The following RLN2 variants were observed in gnomAD, a reference collection of about 807,000 sequenced individuals.
The protein encoded by RLN2 is relaxin 2.
A neutral mutation model predicts 7.3 loss-of-function variants in RLN2; 10 were observed. The observed-to-expected ratio is 1.36, with a 90% CI of 0.84 to 2.31. RLN2 has a LOEUF of 2.31. Ranked by LOEUF, RLN2 falls within the 30% of genes most tolerant of loss-of-function variation. The pLI is 0.00. For synonymous variants in RLN2, 103 were observed against 82.3 expected, an observed-to-expected ratio of 1.25 and a Z score of -1.36; for missense variants, 298 against 217.6, an observed-to-expected ratio of 1.37 and a Z score of -2.32.
chr9:5,330,202 T>C, the RLN2 span, among the ~76,000 whole-genome samples: 1 of 151,980 alleles, frequency 6.6e-6, no homozygotes, highest in Non-Finnish European at 1.5e-5. Flanking sequence ...AAGAAGTTCT[T>C]TGAAACCAAT....
the RLN2 span, chr9:5,335,660 A>C: frequency 9.8e-7 from 1 of 1,019,454 alleles, no homozygotes; most frequent in Non-Finnish European, 1.4e-6. Flanking sequence ...ATTCAGAAAA[A>C]CTGTGAATGT....
At position 5,300,073 on chromosome 9, in the gene RLN2, C is replaced by A; in HGVS notation, c.*25G>T. 1 of 1,371,586 alleles carries A rather than the reference C, an allele frequency of 7.3e-7. No homozygotes were observed. The highest frequency in any genetic ancestry group is 1.3e-5 in the South Asian group (1 of 77,456). 85.0% of individuals were successfully genotyped at this position (1,371,586 alleles called of 1,614,324 possible). On this transcript the variant is annotated 3_prime_UTR_variant, in exon 2 of 2. Transcript: ENST00000381627. Reference sequence around the variant, plus strand: ...ATTAAGAATATGTGTGAATATTATACGAGATGTGCACAATTAGCTTCATCT... The same window carrying A: ...ATTAAGAATATGTGTGAATATTATAAGAGATGTGCACAATTAGCTTCATCT...
the RLN2 span, among the ~76,000 whole-genome samples, chr9:5,320,784 TG>T: frequency 1.3e-5 from 2 of 152,258 alleles, no homozygotes; most frequent in African/African-American, 4.8e-5. Flanking sequence ...AAAGACTTTT[TG>T]AAGAAGCACA....
chr9:5,337,945 C>T, the RLN2 span, among the ~76,000 whole-genome samples: 2 of 151,948 alleles, frequency 1.3e-5, no homozygotes, highest in Non-Finnish European at 2.9e-5. Context: ...AAATACTACA[C>T]AGGAATTTCA....
At chr9:5,309,255 C>T (rs528843340), upstream of RLN2, among the ~76,000 whole-genome samples, 164 of 152,018 alleles carry the variant, frequency 1.1e-3, no homozygotes, top group Non-Finnish European at 2.1e-3. Flanking sequence ...TCTTTGCTAC[C>T]TCTTCCCACA....
At chr9:5,314,223 A>G in the RLN2 span, among the ~76,000 whole-genome samples, 1 of 152,104 alleles carries the variant, frequency 6.6e-6, no homozygotes, top group South Asian at 2.1e-4. Context: ...AGGTAGCCAC[A>G]GTACACTTCC....
the RLN2 span, among the ~76,000 whole-genome samples, chr9:5,328,455 G>T: frequency 1.3e-5 from 2 of 152,052 alleles, no homozygotes; most frequent in Non-Finnish European, 2.9e-5. Context: ...TGGAAGTGAC[G>T]GGGAGAATGG....
chr9:5,338,187 A>G, the RLN2 span, among the ~76,000 whole-genome samples: 3 of 104,242 alleles, frequency 2.9e-5, no homozygotes, highest in East Asian at 7.6e-4. Context: ...CTTTAATATG[A>G]GCATTACTAC....
At chr9:5,302,665 T>C (rs1363020665) in intron 1 of RLN2, among the ~76,000 whole-genome samples, 4 of 152,220 alleles carry the variant, frequency 2.6e-5, no homozygotes, top group Non-Finnish European at 5.9e-5. Flanking sequence ...TGTAGCCATA[T>C]CTATATACAA....
the RLN2 span, among the ~76,000 whole-genome samples, chr9:5,321,934 G>C: frequency 2.0e-5 from 3 of 152,014 alleles, no homozygotes; most frequent in Admixed American, 2.0e-4. Flanking sequence ...CCCTGAGAAC[G>C]ATGGTCACTT....
intron 1 of RLN2, among the ~76,000 whole-genome samples, chr9:5,300,901 T>C (rs1302333297): frequency 2.6e-5 from 4 of 152,212 alleles, no homozygotes; most frequent in South Asian, 2.1e-4. Context: ...CTTTAAGCTA[T>C]TGAATATTTC....
upstream of RLN2, among the ~76,000 whole-genome samples, chr9:5,306,112 T>TG (rs1816246198): frequency 2.7e-5 from 4 of 148,976 alleles, no homozygotes; most frequent in Admixed American, 6.7e-5. Flanking sequence ...GTTTTTTGTT[T>TG]TTTTTTTTTT....
At chr9:5,334,350 T>G in the RLN2 span, among the ~76,000 whole-genome samples, 1 of 151,938 alleles carries the variant, frequency 6.6e-6, no homozygotes. Context: ...TTACAGACAT[T>G]TGATGGAGGA....
chr9:5,327,154 T>C, the RLN2 span, among the ~76,000 whole-genome samples: 51,381 of 151,786 alleles, frequency 0.34, 9,642 homozygotes, highest in Non-Finnish European at 0.41. Flanking sequence ...AGGGAAGCCA[T>C]AACAGACTGT....
chr9:5,336,090 G>A, the RLN2 span, among the ~76,000 whole-genome samples: 14 of 152,082 alleles, frequency 9.2e-5, no homozygotes, highest in East Asian at 2.5e-3. Context: ...TTTACTCCTG[G>A]AGGATAAAGT....
the RLN2 span, among the ~76,000 whole-genome samples, chr9:5,309,793 G>T: frequency 0.25 from 38,133 of 151,732 alleles, 5,812 homozygotes; most frequent in African/African-American, 0.43. Context: ...CAACACATCT[G>T]GGTTGAAGGA....
intron 1 of RLN2, among the ~76,000 whole-genome samples, chr9:5,301,831 G>T (rs946266941): frequency 2.0e-5 from 3 of 150,752 alleles, no homozygotes; most frequent in African/African-American, 7.4e-5. Context: ...TTTGACAGAG[G>T]AATAAAAAAA....
chr9:5,320,142 C>G, the RLN2 span, among the ~76,000 whole-genome samples: 5 of 151,742 alleles, frequency 3.3e-5, no homozygotes, highest in East Asian at 9.7e-4. Flanking sequence ...CCTGCCACCA[C>G]ATCTGGCTAA....
upstream of RLN2, among the ~76,000 whole-genome samples, chr9:5,305,402 C>CACACACACACACAG (rs397829533): frequency 4.9e-4 from 55 of 112,250 alleles, no homozygotes; most frequent in East Asian, 1.6e-3. Flanking sequence ...CACACACACA[C>CACACACACACACAG]AGAGAGAGAG....
Sources: allele counts gnomAD v4.1 joint callset (sites outside exome capture counted in the v4.1 genomes callset), GRCh38; gene constraint gnomAD v4.1.1; transcripts MANE v1.5; gene names NCBI Gene and HGNC (gene_info 2026-07-23, HGNC 2026-07-21).